EYS: variants seen among roughly 807,000 people sequenced by gnomAD.
The protein encoded by EYS is protein eyes shut homolog.
A neutral mutation model predicts 282.1 loss-of-function variants in EYS; 250 were observed. The observed-to-expected ratio is 0.89, with a 90% CI of 0.80 to 0.98. The LOEUF (loss-of-function observed/expected upper bound fraction) is 0.98, where lower values mean the gene tolerates loss of function less well. Among genes scored for constraint, EYS ranks in the 50% least tolerant of loss-of-function variants. The probability of loss-of-function intolerance (pLI) is 0.00; values close to 1 mark genes in which losing one functional copy is unlikely to be tolerated. For missense variants in EYS, 4,016 were observed against 3,709.0 expected (o/e 1.08, Z -2.15); for synonymous variants, 1,355 against 1,282.9 (o/e 1.06, Z -1.20).
At chr6:64,510,395 G>T (rs550630360) in intron 26 of EYS, among the ~76,000 whole-genome samples, 5 of 151,624 alleles carry the variant, frequency 3.3e-5, no homozygotes, top group Non-Finnish European at 7.4e-5. Flanking sequence ...TTAATGTCAT[G>T]CTAAAAATTT....
intron 34 of EYS, among the ~76,000 whole-genome samples, chr6:63,993,932 C>T (rs140274396): frequency 2.2e-4 from 34 of 151,970 alleles, no homozygotes; most frequent in African/African-American, 7.2e-4. Context: ...GTGTATGGTG[C>T]TGGCATAAAG....
chr6:63,772,079 G>C (rs1317400871), intron 40 of EYS, among the ~76,000 whole-genome samples: 1 of 151,762 alleles, frequency 6.6e-6, no homozygotes, highest in Non-Finnish European at 1.5e-5. Context: ...TGACAATTTT[G>C]GCACTAGAAG....
At chr6:64,071,340 T>A (rs1771566732) in intron 32 of EYS, among the ~76,000 whole-genome samples, 1 of 152,002 alleles carries the variant, frequency 6.6e-6, no homozygotes, top group South Asian at 2.1e-4. Flanking sequence ...ATTCACATGA[T>A]TCCTGACTAT....
intron 30 of EYS, among the ~76,000 whole-genome samples, chr6:64,292,333 A>G (rs1768744053): frequency 1.3e-5 from 2 of 152,200 alleles, no homozygotes; most frequent in African/African-American, 4.8e-5. Context: ...AGATTGTGAA[A>G]TACATTTGAT....
intron 12 of EYS, among the ~76,000 whole-genome samples, chr6:65,183,728 T>C (rs1765448857): frequency 6.6e-6 from 1 of 151,870 alleles, no homozygotes; most frequent in East Asian, 1.9e-4. Flanking sequence ...TTTTTGATTC[T>C]CTTGAAACAA....
intron 1 of EYS, among the ~76,000 whole-genome samples, chr6:65,700,970 A>G (rs1769653948): frequency 6.6e-6 from 1 of 152,164 alleles, no homozygotes; most frequent in African/African-American, 2.4e-5. Flanking sequence ...TCATATTGCT[A>G]TACAGCATCT....
At chr6:64,417,823 AC>A (rs1055057843) in intron 28 of EYS, among the ~76,000 whole-genome samples, 1 of 151,908 alleles carries the variant, frequency 6.6e-6, no homozygotes, top group Non-Finnish European at 1.5e-5. Context: ...GGTGCACACC[AC>A]CAAGCCTGGC....
At chr6:64,678,687 C>T (rs1769783381) in intron 22 of EYS, among the ~76,000 whole-genome samples, 1 of 151,912 alleles carries the variant, frequency 6.6e-6, no homozygotes, top group Non-Finnish European at 1.5e-5. Context: ...TTTCACAATT[C>T]AAACATATCA....
intron 4 of EYS, among the ~76,000 whole-genome samples, chr6:65,492,338 A>AACAT (rs958740327): frequency 6.6e-6 from 1 of 151,690 alleles, no homozygotes; most frequent in African/African-American, 2.4e-5. Context: ...GAAAGAAACA[A>AACAT]ACAAACAAAG....
chr6:64,985,384 A>G (rs1197565698), intron 14 of EYS, among the ~76,000 whole-genome samples: 1 of 151,494 alleles, frequency 6.6e-6, no homozygotes, highest in African/African-American at 2.4e-5. Flanking sequence ...CAGTGTCATT[A>G]TTTGTTTAGC....
At chr6:64,000,227 T>A (rs1279675909) in intron 33 of EYS, among the ~76,000 whole-genome samples, 1 of 124,650 alleles carries the variant, frequency 8.0e-6, no homozygotes, top group Non-Finnish European at 1.6e-5. Flanking sequence ...AGTCTCGCTC[T>A]GTCGCCCAGG....
intron 31 of EYS, among the ~76,000 whole-genome samples, chr6:64,090,715 T>C (rs895766111): frequency 6.6e-6 from 1 of 152,194 alleles, no homozygotes; most frequent in East Asian, 1.9e-4. Flanking sequence ...ATCAAGTTAT[T>C]CAAATAACAA....
chr6:64,200,086 T>G (rs1051428967), intron 31 of EYS, among the ~76,000 whole-genome samples: 1 of 152,108 alleles, frequency 6.6e-6, no homozygotes, highest in African/African-American at 2.4e-5. Flanking sequence ...GAAAAGGCTA[T>G]AAACTATATA....
At chr6:65,247,699 G>A (rs1255507539) in intron 12 of EYS, among the ~76,000 whole-genome samples, 2 of 151,978 alleles carry the variant, frequency 1.3e-5, no homozygotes, top group Non-Finnish European at 2.9e-5. Flanking sequence ...GAAAATAGAA[G>A]GATTAGAATG....
rs1204019770 is a variant in EYS at position 64,590,984 on chromosome 6, G to A, written c.4883C>T (p.Ser1628Phe). 10 of 1,551,284 alleles carry A rather than the reference G, an allele frequency of 6.4e-6. No individual in the cohort carries two copies. Among genetic ancestry groups the A allele is most frequent in the Non-Finnish European group, 4.4e-6 (5 of 1,146,764 alleles). The stretch of plus-strand genomic sequence containing the variant: ...TGCACTCTTTTTAGAAGGAAATAAA[G>A]ATGGCACTTCTGTGAATGCCACTGA... ...TPSVAFTEVPSLFPSKKSAKR... is the reference protein window; with the variant it reads ...TPSVAFTEVPFLFPSKKSAKR... Residue 1628 changes from serine (S) to phenylalanine (F), a missense_variant, in exon 26 of 43, where the codon TCT becomes TTT. Transcript: ENST00000503581.
At chr6:64,802,996 G>T (rs1764302811) in intron 22 of EYS, among the ~76,000 whole-genome samples, 1 of 152,160 alleles carries the variant, frequency 6.6e-6, no homozygotes, top group South Asian at 2.1e-4. Context: ...TCCATGCAAG[G>T]TTACAACTGG....
chr6:64,622,228 A>G (rs1439040956), intron 23 of EYS, among the ~76,000 whole-genome samples: 1 of 152,106 alleles, frequency 6.6e-6, no homozygotes, highest in African/African-American at 2.4e-5. Flanking sequence ...AGGAAGTGGC[A>G]TATTTATATA....
chr6:64,771,691 T>C (rs1773527385), intron 22 of EYS, among the ~76,000 whole-genome samples: 1 of 151,768 alleles, frequency 6.6e-6, no homozygotes, highest in Non-Finnish European at 1.5e-5. Flanking sequence ...TAATTTCATT[T>C]TTAAATTGTT....
Position 65,403,617 on chromosome 6 carries a change from T to C in EYS, c.1057-1012A>G, listed in dbSNP as rs145999773. 4.1e-3 allele frequency among the ~76,000 whole-genome samples: 620 copies of C among 152,102 alleles called. 4 individuals carry two copies. The highest frequency in any genetic ancestry group is 0.014 in the African/African-American group (587 of 41,534). ...TCATACATGGTAGCAGTACAAATGA[T>C]AACATGTACAATTTTCCAAGTAATT... is the stretch of plus-strand genomic sequence containing the variant. On this transcript the variant is annotated intron_variant, in intron 6 of 42. Coordinates refer to ENST00000503581, the MANE Select transcript of EYS (RefSeq NM_001142800.2).
Sources: gnomAD v4.1 joint callset for allele counts (sites outside exome capture counted in the v4.1 genomes callset) on GRCh38, gnomAD v4.1.1 for gene constraint, MANE v1.5 for transcripts, NCBI Gene and HGNC (gene_info 2026-07-23, HGNC 2026-07-21) for gene names.